The following ARHGAP45 variants were observed in gnomAD, a reference collection of about 807,000 sequenced individuals.
ARHGAP45 encodes the protein Rho GTPase activating protein 45, also known as rho GTPase-activating protein 45.
A neutral mutation model predicts 116.1 loss-of-function variants in ARHGAP45; 56 were observed. The observed-to-expected ratio is 0.48, with a 90% confidence interval of 0.39 to 0.60. The LOEUF (loss-of-function observed/expected upper bound fraction) is 0.60. Ranked by LOEUF, ARHGAP45 falls within the 20% of genes least tolerant of loss-of-function variation. ARHGAP45 has a pLI of 0.00. For synonymous variants in ARHGAP45, 866 were observed against 701.7 expected (o/e 1.23, Z -3.70); for missense variants, 1,622 against 1,601.0 (o/e 1.01, Z -0.22).
intron 17 of ARHGAP45, 102 bp downstream of exon 17, chr19:1,081,166 G>C (rs1208533429): frequency 1.5e-6 from 2 of 1,317,834 alleles, no homozygotes; most frequent in Non-Finnish European, 2.1e-6. Flanking sequence ...GCCCAGAGCA[G>C]GGAGCAGTCG....
At chr19:1,074,754 C>T in intron 9 of ARHGAP45, 30 bp downstream of exon 9, 9 of 1,573,492 alleles carry the variant, frequency 5.7e-6, no homozygotes, top group Non-Finnish European at 7.8e-6. Flanking sequence ...GCGGGCTGGG[C>T]GGGGGTGTCA....
upstream of ARHGAP45, chr19:1,066,161 GAGGT>G: frequency 6.5e-7 from 1 of 1,535,364 alleles, no homozygotes; most frequent in Admixed American, 2.0e-5. Context: ...CCTCCCACCC[GAGGT>G]AGGTGGGAAT....
chr19:1,085,622 C>T (rs1353625174), intron 22 of ARHGAP45, 38 bp from the exon 23 acceptor site: 5 of 1,448,578 alleles, frequency 3.5e-6, no homozygotes, highest in African/African-American at 1.4e-5. Context: ...TCCATCTCTC[C>T]TGTCTGTCTC....
intron 10 of ARHGAP45, chr19:1,077,218 G>A (rs575037276): frequency 3.0e-5 from 30 of 985,348 alleles, no homozygotes; most frequent in South Asian, 2.3e-4. Flanking sequence ...AAAAGAGCCC[G>A]GAGACGCTCC....
intron 10 of ARHGAP45, 142 bp downstream of exon 10, chr19:1,075,021 T>G: frequency 5.9e-6 from 3 of 510,520 alleles, no homozygotes; most frequent in Non-Finnish European, 8.0e-6. Context: ...CCTCGCAGGC[T>G]GGGCCGCCCC....
At position 1,069,535 on chromosome 19, in the gene ARHGAP45, G is replaced by A. The variant is rs1233896492; in HGVS notation, c.421+791G>A. Among the ~76,000 whole-genome samples, 2 of 152,230 alleles carry A rather than the reference G, an allele frequency of 1.3e-5. No homozygotes were observed. Among genetic ancestry groups the A allele is most frequent in the Admixed American group, 6.5e-5 (1 of 15,288 alleles). On this transcript the variant is annotated intron_variant, in intron 2 of 22. Transcript: ENST00000313093. The surrounding 1 kb of genome is among the most constrained non-coding windows in gnomAD (Gnocchi z 4.1). ...GTCTCTAGTGAGGCCCTGACCCCTG[G>A]CTCACCCAGCCAGGGCAGGGCAGAG...
At chr19:1,074,506 C>CT (rs1385096804) in intron 8 of ARHGAP45, 99 bp downstream of exon 8, 11 of 1,400,276 alleles carry the variant, frequency 7.9e-6, no homozygotes, top group Non-Finnish European at 9.6e-6. Flanking sequence ...GGCTTCCCCT[C>CT]TACATTAACG....
chr19:1,079,558 C>T (rs567663990), intron 11 of ARHGAP45, 145 bp from the exon 12 acceptor site: 3 of 957,456 alleles, frequency 3.1e-6, no homozygotes, highest in Non-Finnish European at 4.6e-6. Context: ...AGGCTGGTCT[C>T]GAACTCCTGG....
At chr19:1,084,484 A>C in intron 22 of ARHGAP45, 138 bp downstream of exon 22, 1 of 638,110 alleles carries the variant, frequency 1.6e-6, no homozygotes, top group Non-Finnish European at 2.7e-6. Flanking sequence ...TGCCACGGAG[A>C]CCACACCTAT....
chr19:1,074,552 G>C, intron 8 of ARHGAP45, 62 bp from the exon 9 acceptor site: 1 of 1,449,290 alleles, frequency 6.9e-7, no homozygotes, highest in Non-Finnish European at 9.3e-7. Context: ...TGGTGGCTGG[G>C]GGTGCTGGGG....
intron 19 of ARHGAP45, 64 bp downstream of exon 19, chr19:1,082,025 G>T (rs920020129): frequency 2.1e-5 from 33 of 1,564,470 alleles, no homozygotes; most frequent in Non-Finnish European, 2.7e-5. Context: ...GGAGGAGGCG[G>T]GGTGGGGGTC....
chr19:1,085,667 A>G lies in ARHGAP45; in HGVS notation c.3072A>G (p.Arg1024=). The G allele has an allele frequency of 6.4e-7, 1 of 1,564,784 alleles. No homozygotes were observed. Among genetic ancestry groups the G allele is most frequent in the Non-Finnish European group, 8.7e-7 (1 of 1,151,454 alleles). ...EAAADGCRES[R]VVSNDSDSDL... ...TCTGTCTCCCTTTCTTAGAATCCCG[A>G]GTTGTGTCCAACGATTCGGACTCGG... The change falls in exon 23 of 23, where the codon CGA becomes CGG. Residue 1024 remains arginine (R), a synonymous_variant. Coordinates refer to ENST00000313093, the MANE Select transcript of ARHGAP45 (RefSeq NM_012292.5).
At chr19:1,081,115 G>A (rs749626576) in intron 17 of ARHGAP45, 51 bp downstream of exon 17, 3 of 1,547,400 alleles carry the variant, frequency 1.9e-6, no homozygotes, top group Admixed American at 3.8e-5. Context: ...AGCCTTTGGG[G>A]TGCCCAGCAC....
At position 1,083,983 on chromosome 19, in the gene ARHGAP45, C is replaced by T. The variant is rs1306976687; in HGVS notation, c.2956-255C>T. 3.9e-5 allele frequency among the ~76,000 whole-genome samples: 6 copies of T among 152,042 alleles called. No individual in the cohort carries two copies. In the East Asian group the frequency reaches 5.8e-4, roughly 15 times the overall value. On this transcript the variant is annotated intron_variant, in intron 21 of 22. Coordinates refer to ENST00000313093, the MANE Select transcript of ARHGAP45 (RefSeq NM_012292.5). ...CTCGAACTGCTGACCTCAAGTGATC[C>T]GCACCCCCCTTGGCCTCCTGAAGTG...
chr19:1,082,765 G>A lies in ARHGAP45; in HGVS notation c.2518-75G>A. ...CAGTGCTCTGTGGGGGTGGGGCTGA[G>A]GCTGGGGGCGTGGCAGGCACACGTG... On this transcript the variant is annotated intron_variant, in intron 19 of 22. Coordinates refer to ENST00000313093, the MANE Select transcript of ARHGAP45 (RefSeq NM_012292.5). 5 of 1,296,492 alleles carry A rather than the reference G, an allele frequency of 3.9e-6. No individual in the cohort carries two copies. In the Admixed American group the frequency reaches 1.5e-4, roughly 38 times the overall value. 80.3% of individuals were successfully genotyped at this position (1,296,492 alleles called of 1,614,324 possible).
Position 1,081,665 on chromosome 19 carries a change from G to T in ARHGAP45, c.2306G>T (p.Ser769Ile). The stretch of plus-strand genomic sequence containing the variant: ...CAGGACTTCAGCCACGCGGCCCGCA[G>T]CGCCCCCGACGGCGTGCCCTTCATC... ...FGQDFSHAARSAPDGVPFIVK... is the reference protein window; with the variant it reads ...FGQDFSHAARIAPDGVPFIVK... Residue 769 changes from serine (S) to isoleucine (I), a missense_variant, in exon 18 of 23, where the codon AGC becomes ATC. This residue lies in a region of ARHGAP45 where 1,334 missense variants were observed against 1,263.8 expected (regional missense o/e 1.06). Transcript: ENST00000313093. 1 of 1,583,912 alleles carries T rather than the reference G, an allele frequency of 6.3e-7. No individual in the cohort carries two copies. The highest frequency in any genetic ancestry group is 1.1e-5 in the South Asian group (1 of 87,570).
chr19:1,076,445 A>C lies in ARHGAP45; in HGVS notation c.1186-1412A>C, dbSNP rs1042718083. Reference sequence around the variant, plus strand: ...GACTTTTGATTTTTACCTGTGGCCTATTTTGCCAGGTAGAAACCTGTGATT... The same window carrying C: ...GACTTTTGATTTTTACCTGTGGCCTCTTTTGCCAGGTAGAAACCTGTGATT... On this transcript the variant is annotated intron_variant, in intron 10 of 22. Transcript: ENST00000313093. Among the ~76,000 whole-genome samples, 7 of 95,098 alleles carry C rather than the reference A, an allele frequency of 7.4e-5. 1 individual carries two copies. The East Asian group carries it at 1.7e-3, about 23-fold the overall frequency. The allele number at this position is 95,098 out of a possible 152,430, so 62.4% of individuals were successfully genotyped here.
chr19:1,078,144 GTTTT>G lies in ARHGAP45; in HGVS notation c.1374+103_1374+106del, dbSNP rs1446162582. ...TCCAGACCTTTGTTTTTGTTTTTTT[GTTTT>G]TTTGTTTGTTTTTGAGACGGAGTCT... On this transcript the variant is annotated intron_variant, in intron 11 of 22. Transcript: ENST00000313093. The G allele has an allele frequency of 2.3e-5, 34 of 1,452,990 alleles. No homozygotes were observed. In the African/African-American group the frequency reaches 4.3e-4, roughly 18 times the overall value. 90.0% of individuals were successfully genotyped at this position (1,452,990 alleles called of 1,614,324 possible).
rs866095025 is a variant in ARHGAP45 at position 1,068,416 on chromosome 19, G to T, written c.93G>T (p.Glu31Asp). The change falls in exon 2 of 23, where the codon GAG becomes GAT. Residue 31 changes from glutamate (E) to aspartate (D), a missense_variant and splice_region_variant. By Grantham distance (45) the Glu-to-Asp change is conservative. Coordinates refer to ENST00000313093, the MANE Select transcript of ARHGAP45 (RefSeq NM_012292.5). This position sits in a 1 kb window ranked among gnomAD's most constrained non-coding sequence, Gnocchi z 7.5. Reference protein sequence around the residue: ...AGSPSPQPSGELPRKDGADAV... With the variant: ...AGSPSPQPSGDLPRKDGADAV... ...AGCTCCCCTCGGACCTGCCCAAGGA[G>T]CTGCCCAGGAAGGATGGGGCTGACG... 1 of 1,555,770 alleles carries T rather than the reference G, an allele frequency of 6.4e-7. No homozygotes were observed. Among genetic ancestry groups the T allele is most frequent in the Non-Finnish European group, 8.7e-7 (1 of 1,149,368 alleles).
Sources: gnomAD v4.1 joint callset for allele counts (sites outside exome capture counted in the v4.1 genomes callset) on GRCh38, gnomAD v4.1.1 for gene constraint, gnomAD v4.1.1 regional missense constraint, Gnocchi (gnomAD v3.1) non-coding constraint, MANE v1.5 for transcripts, NCBI Gene and HGNC (gene_info 2026-07-23, HGNC 2026-07-21) for gene names.